The following DPYSL4 variants were observed in gnomAD, a reference collection of about 807,000 sequenced individuals.
The protein encoded by DPYSL4 is dihydropyrimidinase-related protein 4.
A neutral mutation model predicts 63.4 loss-of-function variants in DPYSL4; 43 were observed. The ratio of observed to expected loss-of-function variants is 0.68; its 90% CI spans 0.53 to 0.88. The LOEUF (loss-of-function observed/expected upper bound fraction) is 0.88, where lower values mean the gene tolerates loss of function less well. Among genes scored for constraint, DPYSL4 ranks in the 40% least tolerant of loss-of-function variants. DPYSL4 has a pLI of 0.00. For missense variants in DPYSL4, 733 were observed against 819.5 expected, an observed-to-expected ratio of 0.89 and a Z score of 1.29; for synonymous variants, 353 against 331.7, an observed-to-expected ratio of 1.06 and a Z score of -0.70.
At chr10:132,199,826 G>A (rs904300303) in intron 8 of DPYSL4, among the ~76,000 whole-genome samples, 6 of 151,846 alleles carry the variant, frequency 4.0e-5, no homozygotes, top group African/African-American at 1.2e-4. Context: ...GGTGAGGCCC[G>A]GGCCTCACTC....
intron 4 of DPYSL4, 33 bp from the exon 5 acceptor site, chr10:132,196,828 T>C: frequency 6.2e-7 from 1 of 1,612,378 alleles, no homozygotes; most frequent in Non-Finnish European, 8.5e-7. Flanking sequence ...TGACTGGTGA[T>C]GGCTGAGCCT....
Position 132,200,352 on chromosome 10 carries a change from G to T in DPYSL4, c.812-4G>T, listed in dbSNP as rs871883. 0.5 allele frequency: 807,367 copies of T among 1,612,700 alleles called. 210,351 individuals are homozygous for T. The highest frequency in any genetic ancestry group is 0.66 in the East Asian group (29,643 of 44,842). ...GGGCACCTCTCATGGGCCTCGTGCT[G>T]CAGGGGTGGTCGTGTTTGGGGAGCC... On this transcript the variant is annotated splice_region_variant and splice_polypyrimidine_tract_variant and intron_variant, in intron 8 of 13. Coordinates refer to ENST00000338492, the MANE Select transcript of DPYSL4 (RefSeq NM_006426.3).
chr10:132,196,255 T>C (rs2061942734), intron 4 of DPYSL4, among the ~76,000 whole-genome samples: 1 of 152,186 alleles, frequency 6.6e-6, no homozygotes, highest in Non-Finnish European at 1.5e-5. Context: ...GTGGATGGGC[T>C]GTGGCTGCCC....
rs373425355 is a variant in DPYSL4 at position 132,200,829 on chromosome 10, G to C, written c.969-13G>C. 2.4e-3 allele frequency: 3,816 copies of C among 1,610,990 alleles called. 98 individuals are homozygous for C. In the South Asian group the frequency reaches 0.039, roughly 17 times the overall value. ...AGGAAGGCCAGGACCCTCTGACCCT[G>C]GCTTGTTTCCAGCGGGGACCTCCAG... On this transcript the variant is annotated splice_polypyrimidine_tract_variant and intron_variant, in intron 9 of 13. Transcript: ENST00000338492.
intron 11 of DPYSL4, 109 bp from the exon 12 acceptor site, chr10:132,202,537 C>T (rs2062032573): frequency 2.1e-6 from 3 of 1,422,770 alleles, no homozygotes; most frequent in Non-Finnish European, 2.9e-6. Flanking sequence ...AGTGTAGGCA[C>T]ACCGGGCCTG....
At chr10:132,201,015 T>A (rs765204934) in intron 10 of DPYSL4, 32 bp downstream of exon 10, 4 of 1,608,034 alleles carry the variant, frequency 2.5e-6, no homozygotes. Context: ...GCACGCCGTC[T>A]GGGGAGCGGC....
rs1326517478 is a variant in DPYSL4, at chr10:132,191,126, GTTGAAA to G, written c.128+292_128+297del. ...ACGCTGGCCACGTGGTATCCAGGCA[GTTGAAA>G]GTATGTTCCCACCTCTTGTGTACAC... On this transcript the variant is annotated intron_variant, in intron 2 of 13. Transcript: ENST00000338492. 3.7e-3 allele frequency among the ~76,000 whole-genome samples: 398 copies of G among 106,376 alleles called. 73 individuals are homozygous for G. Among genetic ancestry groups the G allele is most frequent in the East Asian group, 0.015 (19 of 1,310 alleles). The allele number at this position is 106,376 out of a possible 152,430, so 69.8% of individuals were successfully genotyped here.
rs564979132 is a variant in DPYSL4, at chr10:132,195,829, C to T, written c.478+820C>T. 5.9e-5 allele frequency among the ~76,000 whole-genome samples: 9 copies of T among 152,346 alleles called. No homozygotes were observed. In the East Asian group the frequency reaches 9.6e-4, roughly 16 times the overall value. Reference sequence around the variant, plus strand: ...ACCCATGCTGTTCTGTGAGTGGACTCGGGAGGCCTGTGGCCTCGTGTCTCA... The same window carrying T: ...ACCCATGCTGTTCTGTGAGTGGACTTGGGAGGCCTGTGGCCTCGTGTCTCA... On this transcript the variant is annotated intron_variant, in intron 4 of 13. Coordinates refer to ENST00000338492, the MANE Select transcript of DPYSL4 (RefSeq NM_006426.3).
chr10:132,202,471 G>C (rs996797582), intron 11 of DPYSL4, among the ~76,000 whole-genome samples, 175 bp from the exon 12 acceptor site: 4 of 152,200 alleles, frequency 2.6e-5, no homozygotes, highest in Admixed American at 6.5e-5. Flanking sequence ...GTAGGCCGAG[G>C]GGGGGCATTC....
rs2062073950 is a variant in DPYSL4, at chr10:132,204,840, G to A, written c.1629G>A (p.Gly543=). ...TGCCCATCTGTGCCCTTTCTTCAGG[G>A]TCTCAGGCTGATGACCACATCGCCC... ...NLHQSGFSLS[G]SQADDHIARR... The change falls in exon 14 of 14, where the codon GGG becomes GGA. Residue 543 remains glycine, a splice_region_variant and synonymous_variant. Coordinates refer to ENST00000338492, the MANE Select transcript of DPYSL4 (RefSeq NM_006426.3). 6.2e-7 allele frequency: 1 copy of A among 1,608,934 alleles called. No homozygotes were observed. The highest frequency in any genetic ancestry group is 1.7e-5 in the Admixed American group (1 of 59,474).
chr10:132,205,456 G>C lies in DPYSL4; in HGVS notation c.*526G>C, dbSNP rs1248943565. ...GCAGAGCCCTCCTGCTCACACAGCT[G>C]CTGAGACTTCAGGGACCCATCAGAA... On this transcript the variant is annotated 3_prime_UTR_variant, in exon 14 of 14. Transcript: ENST00000338492. 6.5e-6 allele frequency: 1 copy of C among 153,072 alleles called. No individual in the cohort carries two copies. Among genetic ancestry groups the C allele is most frequent in the African/African-American group, 2.4e-5 (1 of 41,472 alleles). 9.5% of individuals were successfully genotyped at this position (153,072 alleles called of 1,614,324 possible).
chr10:132,190,295 G>C (rs1354198133), intron 1 of DPYSL4, among the ~76,000 whole-genome samples: 1 of 152,218 alleles, frequency 6.6e-6, no homozygotes, highest in Non-Finnish European at 1.5e-5. Flanking sequence ...GTAGTGTTTG[G>C]GTGGAACCAA....
At chr10:132,194,739 T>C in intron 3 of DPYSL4, 106 bp from the exon 4 acceptor site, 2 of 1,443,900 alleles carry the variant, frequency 1.4e-6, no homozygotes, top group South Asian at 1.3e-5. Context: ...CTCCCTCAAA[T>C]GGTCCTCTGG....
chr10:132,188,688 T>C (rs2061835735), intron 1 of DPYSL4, among the ~76,000 whole-genome samples: 1 of 152,228 alleles, frequency 6.6e-6, no homozygotes, highest in Non-Finnish European at 1.5e-5. Flanking sequence ...TGTTCCTGTC[T>C]CAGCTGCTTG....
In DPYSL4 at chr10:132,202,789, G is replaced by A. The variant is rs201431660; in HGVS notation, c.1425G>A (p.Pro475=). The change falls in exon 12 of 14, where the codon CCG becomes CCA. Residue 475 remains proline, a synonymous_variant. Coordinates refer to ENST00000338492, the MANE Select transcript of DPYSL4 (RefSeq NM_006426.3). ...GCTTCGTCCCTCGGAAAACATTCCC[G>A]GACTTTGTCTACAAGAGGATCAAAG... ...AGRFVPRKTF[P]DFVYKRIKAR... 1.2e-5 allele frequency: 20 copies of A among 1,609,510 alleles called. No homozygotes were observed. Among genetic ancestry groups the A allele is most frequent in the Admixed American group, 6.7e-5 (4 of 59,764 alleles).
chr10:132,199,699 T>C (rs992861813), intron 8 of DPYSL4, among the ~76,000 whole-genome samples: 11 of 103,494 alleles, frequency 1.1e-4, no homozygotes, highest in Non-Finnish European at 2.0e-4. Flanking sequence ...GGCGGGGTGG[T>C]GGTGGTGGTG....
intron 3 of DPYSL4, among the ~76,000 whole-genome samples, chr10:132,193,609 C>A (rs1021111226): frequency 1.3e-5 from 2 of 152,254 alleles, no homozygotes; most frequent in African/African-American, 4.8e-5. Context: ...GCACAGACAT[C>A]GCTGCTGTGG....
chr10:132,201,480 G>A (rs577569908), intron 10 of DPYSL4, among the ~76,000 whole-genome samples: 8 of 152,340 alleles, frequency 5.3e-5, no homozygotes, highest in South Asian at 2.1e-4. Flanking sequence ...CTCCACTCTC[G>A]CTGAACCTTC....
rs2061943908 is a variant in DPYSL4, at chr10:132,196,329, C to T, written c.479-532C>T. Among the ~76,000 whole-genome samples the T allele has an allele frequency of 2.0e-5, 3 of 152,220 alleles. No individual in the cohort carries two copies. In the South Asian group the frequency reaches 6.2e-4, roughly 32 times the overall value. ...CCAACGTCAGAGGCAGCCCCTCATCCTTCTGCTCGTCCTAAGGGCCCAGCC... is the reference window on the plus strand; with the variant it reads ...CCAACGTCAGAGGCAGCCCCTCATCTTTCTGCTCGTCCTAAGGGCCCAGCC... On this transcript the variant is annotated intron_variant, in intron 4 of 13. Transcript: ENST00000338492.
Sources: allele counts gnomAD v4.1 joint callset (sites outside exome capture counted in the v4.1 genomes callset), GRCh38; gene constraint gnomAD v4.1.1; transcripts MANE v1.5; gene names NCBI Gene and HGNC (gene_info 2026-07-23, HGNC 2026-07-21).